Variants in LONRF3 observed in about 807,000 individuals in gnomAD.
The protein encoded by LONRF3 is LON peptidase N-terminal domain and RING finger protein 3.
In LONRF3, 19 loss-of-function variants were observed where a neutral mutation model predicts 51.7. The observed-to-expected ratio is 0.37, with a 90% CI of 0.26 to 0.54. The LOEUF (loss-of-function observed/expected upper bound fraction) is 0.54, where lower values mean the gene tolerates loss of function less well. Among genes scored for constraint, LONRF3 ranks in the 20% least tolerant of loss-of-function variants. The pLI is 0.86. For synonymous variants in LONRF3, 265 were observed against 257.8 expected, an observed-to-expected ratio of 1.03 and a Z score of -0.27; for missense variants, 521 against 623.9, an observed-to-expected ratio of 0.84 and a Z score of 1.76.
intron 3 of LONRF3, among the ~76,000 whole-genome samples, chrX:118,988,671 A>G (rs886286324): frequency 9.0e-6 from 1 of 111,549 alleles, no homozygotes; most frequent in African/African-American, 3.3e-5. Context: ...GGGGTTCTCC[A>G]TGTAAATCTG....
At chrX:119,013,363 A>G (rs1925238162) in intron 9 of LONRF3, among the ~76,000 whole-genome samples, 162 bp downstream of exon 9, 2 of 112,181 alleles carry the variant, frequency 1.8e-5, no homozygotes, top group African/African-American at 6.5e-5. Flanking sequence ...GTCCAGTTGC[A>G]CTATGGCAGT....
rs919287449 is a variant in LONRF3 at position 119,001,628 on chromosome X, G to A, written c.1416-4493G>A. Among the ~76,000 whole-genome samples, 12 of 111,983 alleles carry A rather than the reference G, an allele frequency of 1.1e-4. 1 individual carries two copies. The highest frequency in any genetic ancestry group is 3.6e-4 in the African/African-American group (11 of 30,823). On this transcript the variant is annotated intron_variant, in intron 5 of 10. Coordinates refer to ENST00000371628, the MANE Select transcript of LONRF3 (RefSeq NM_001031855.3). ...TGAATTGAGTATTGAAAAGTGTAAT[G>A]TATTCTAAGCATCTGAACCCTGAAC...
At chrX:118,975,700 G>A (rs1320973956) in intron 1 of LONRF3, 103 bp downstream of exon 1, 1 of 649,146 alleles carries the variant, frequency 1.5e-6, no homozygotes, top group East Asian at 4.1e-5. Flanking sequence ...CAGGGCAGAA[G>A]AGGGGGCGGG....
intron 2 of LONRF3, 149 bp from the exon 3 acceptor site, chrX:118,982,672 A>G: frequency 1.4e-6 from 1 of 724,245 alleles, no homozygotes; most frequent in Non-Finnish European, 2.1e-6. Context: ...TAATGGCATT[A>G]GAACAGTTGC....
chrX:118,989,933 AC>A (rs773752117), intron 4 of LONRF3, among the ~76,000 whole-genome samples: 5 of 112,259 alleles, frequency 4.5e-5, no homozygotes, highest in African/African-American at 1.6e-4. Context: ...CACAGTATCA[AC>A]TAATGACATC....
intron 2 of LONRF3, among the ~76,000 whole-genome samples, chrX:118,982,420 A>G (rs983754134): frequency 9.0e-6 from 1 of 111,634 alleles, no homozygotes; most frequent in African/African-American, 3.3e-5. Flanking sequence ...AGACTAGTTC[A>G]AACGAACGCA....
chrX:118,978,301 C>T (rs112509342), intron 1 of LONRF3, 44 bp from the exon 2 acceptor site: 167 of 875,312 alleles, frequency 1.9e-4, no homozygotes, highest in African/African-American at 1.6e-3. Context: ...CACCTGCTTG[C>T]GCTGGGGGCC....
Position 119,006,226 on chromosome X carries a change from T to A in LONRF3, c.1521T>A (p.Gly507=), listed in dbSNP as rs373203584. 1.5e-5 allele frequency: 17 copies of A among 1,129,727 alleles called. No individual in the cohort carries two copies. The African/African-American group carries it at 2.5e-4, about 17-fold the overall frequency. 93.1% of individuals were successfully genotyped at this position (1,129,727 alleles called of 1,213,427 possible). ...HNAKCPLCKD[G]LSQCLASRKY... is the part of the protein sequence containing the mutation. ...CAAAGTGTCCATTGTGCAAAGACGGTCTTTCACAGGTAAATCAATATTTCT... is the reference window on the plus strand; with the variant it reads ...CAAAGTGTCCATTGTGCAAAGACGGACTTTCACAGGTAAATCAATATTTCT... Residue 507 remains glycine (G), a synonymous_variant, in exon 6 of 11, where the codon GGT becomes GGA. Coordinates refer to ENST00000371628, the MANE Select transcript of LONRF3 (RefSeq NM_001031855.3).
At position 118,975,617 on chromosome X, in the gene LONRF3, G is replaced by A; in HGVS notation, c.817+20G>A. On this transcript the variant is annotated intron_variant, in intron 1 of 10. Transcript: ENST00000371628. ...AGTTGGGTGAGTCCAACGCGCTGCC[G>A]GGCCGGGGCTGGGGCTCGGTGGCTA... is the stretch of plus-strand genomic sequence containing the variant. The A allele has an allele frequency of 8.1e-6, 9 of 1,113,150 alleles. No individual in the cohort carries two copies. The highest frequency in any genetic ancestry group is 1.1e-5 in the Non-Finnish European group (9 of 842,849). The allele number at this position is 1,113,150 out of a possible 1,213,427, so 91.7% of individuals were successfully genotyped here. A position where few individuals can be genotyped will look rare whatever the true frequency, so the allele number is the denominator to read the frequency against.
intron 2 of LONRF3, among the ~76,000 whole-genome samples, chrX:118,982,546 T>G (rs1922643602): frequency 8.9e-6 from 1 of 111,896 alleles, no homozygotes; most frequent in Admixed American, 9.4e-5. Flanking sequence ...GCAGAGTGGT[T>G]AAGAATACAG....
At chrX:119,012,014 G>A in intron 8 of LONRF3, 41 bp downstream of exon 8, 2 of 1,195,047 alleles carry the variant, frequency 1.7e-6, no homozygotes, top group Non-Finnish European at 2.3e-6. Flanking sequence ...GTTGTGTAAT[G>A]AGGGATTTCT....
intron 10 of LONRF3, among the ~76,000 whole-genome samples, chrX:119,016,289 G>A (rs765318132): frequency 1.6e-3 from 175 of 110,916 alleles, no homozygotes; most frequent in Non-Finnish European, 2.7e-3. Flanking sequence ...TATGTGGAAT[G>A]GGAAAGCTCT....
intron 10 of LONRF3, among the ~76,000 whole-genome samples, chrX:119,015,793 G>A (rs1925409736): frequency 8.9e-6 from 1 of 112,015 alleles, no homozygotes; most frequent in Non-Finnish European, 1.9e-5. Context: ...GGCAGCAGCA[G>A]CACCAGCAAA....
Position 118,978,933 on chromosome X carries a change from G to A in LONRF3, c.936+470G>A, listed in dbSNP as rs758072575. 9.2e-5 allele frequency among the ~76,000 whole-genome samples: 10 copies of A among 108,223 alleles called. No homozygotes were observed. In the East Asian group the frequency reaches 2.9e-3, roughly 31 times the overall value. The allele number at this position is 108,223 out of a possible 115,157, so 94.0% of individuals were successfully genotyped here. A position where few individuals can be genotyped will look rare whatever the true frequency, so the allele number is the denominator to read the frequency against. ...GTCTGGCATGTAGCACTATATAAAC[G>A]TTCTCTTTCTTCCCTTCCTTCCTTC... is the stretch of plus-strand genomic sequence containing the variant. On this transcript the variant is annotated intron_variant, in intron 2 of 10. Transcript: ENST00000371628.
At position 119,017,941 on chromosome X, in the gene LONRF3, A is replaced by G; in HGVS notation, c.*251A>G. 1 of 247,879 alleles carries G rather than the reference A, an allele frequency of 4.0e-6. No homozygotes were observed. Among genetic ancestry groups the G allele is most frequent in the East Asian group, 6.3e-5 (1 of 15,873 alleles). The allele number at this position is 247,879 out of a possible 1,213,427, so 20.4% of individuals were successfully genotyped here. A position where few individuals can be genotyped will look rare whatever the true frequency, so the allele number is the denominator to read the frequency against. On this transcript the variant is annotated 3_prime_UTR_variant, in exon 11 of 11. Transcript: ENST00000371628. ...AAACAGCAGAGGTGTTTAAGAGCCC[A>G]GAAAAACATAATTTGATTTTAACAT...
At chrX:119,004,585 G>A (rs1457829915) in intron 5 of LONRF3, among the ~76,000 whole-genome samples, 8 of 112,339 alleles carry the variant, frequency 7.1e-5, no homozygotes, top group African/African-American at 9.7e-5. Flanking sequence ...TGTACACTGG[G>A]CCTACTGATC....
At chrX:118,989,743 T>C in intron 4 of LONRF3, 71 bp downstream of exon 4, 2 of 1,076,964 alleles carry the variant, frequency 1.9e-6, no homozygotes. Context: ...ACAAGTTACT[T>C]ACCTCTGTCT....
At chrX:118,985,842 G>T (rs993573872) in intron 3 of LONRF3, among the ~76,000 whole-genome samples, 2 of 110,932 alleles carry the variant, frequency 1.8e-5, no homozygotes, top group Non-Finnish European at 3.8e-5. Context: ...GAGATTGCTG[G>T]GGGCCAGAGA....
At position 118,990,496 on chromosome X, in the gene LONRF3, C is replaced by A. The variant is rs1341871480; in HGVS notation, c.1351C>A (p.Pro451Thr). The change falls in exon 5 of 11, where the codon CCT becomes ACT. Residue 451 changes from proline (P) to threonine (T), a missense_variant. This residue lies in a region of LONRF3 where 376 missense variants were observed against 376.7 expected (regional missense o/e 1.00). Transcript: ENST00000371628. ...TCCTCCCACTGATCAGGGGGACAAA[C>A]CTGCTCTCAGTTTACCACTTGCATC... ...QDPPTDQGDK[P>T]ALSLPLASFD... 1 of 1,211,006 alleles carries A rather than the reference C, an allele frequency of 8.3e-7. No individual in the cohort carries two copies.
Sources: gnomAD v4.1 joint callset for allele counts (sites outside exome capture counted in the v4.1 genomes callset) on GRCh38, gnomAD v4.1.1 for gene constraint, gnomAD v4.1.1 regional missense constraint, MANE v1.5 for transcripts, NCBI Gene and HGNC (gene_info 2026-07-23, HGNC 2026-07-21) for gene names.